PCDH7: variants seen among roughly 807,000 people sequenced by gnomAD.
PCDH7 encodes protocadherin 7, also known as protocadherin-7.
A neutral mutation model predicts 58.9 loss-of-function variants in PCDH7; 17 were observed. The observed-to-expected ratio is 0.29, with a 90% confidence interval of 0.20 to 0.43. The LOEUF (loss-of-function observed/expected upper bound fraction) is 0.43, where lower values mean the gene tolerates loss of function less well. Ranked by LOEUF, PCDH7 falls within the 20% of genes least tolerant of loss-of-function variation. The pLI is 1.00. For missense variants in PCDH7, 1,274 were observed against 1,441.0 expected (o/e 0.88, Z 1.88); for synonymous variants, 664 against 616.4 (o/e 1.08, Z -1.14).
chr4:31,130,899 G>T (rs1334832585), intron 3 of PCDH7, among the ~76,000 whole-genome samples: 1 of 152,098 alleles, frequency 6.6e-6, no homozygotes, highest in African/African-American at 2.4e-5. Flanking sequence ...GTTAAGGTTA[G>T]TTTATTAGCA....
At chr4:31,132,596 A>C (rs1272428923) in intron 3 of PCDH7, among the ~76,000 whole-genome samples, 1 of 152,286 alleles carries the variant, frequency 6.6e-6, no homozygotes, top group South Asian at 2.1e-4. Flanking sequence ...TGAGACCATT[A>C]AAATGAAGTG....
intron 3 of PCDH7, among the ~76,000 whole-genome samples, chr4:30,993,665 T>A (rs919010661): frequency 6.6e-6 from 1 of 151,900 alleles, no homozygotes; most frequent in African/African-American, 2.4e-5. Flanking sequence ...AGAAAAAAAA[T>A]GTAGAAGTTT....
chr4:30,937,703 G>A (rs1238679791), intron 2 of PCDH7, among the ~76,000 whole-genome samples: 1 of 151,826 alleles, frequency 6.6e-6, no homozygotes. Flanking sequence ...TTATGTTCAG[G>A]AGAGGATATG....
chr4:30,752,657 T>C (rs1033920689), intron 1 of PCDH7, among the ~76,000 whole-genome samples: 2 of 146,990 alleles, frequency 1.4e-5, no homozygotes, highest in Admixed American at 6.8e-5. Flanking sequence ...GCAAACTTTA[T>C]AAATTGTTTT....
chr4:30,776,997 A>G (rs975102276), intron 1 of PCDH7, among the ~76,000 whole-genome samples: 1 of 152,108 alleles, frequency 6.6e-6, no homozygotes, highest in Admixed American at 6.6e-5. Context: ...TTGTTGAGGT[A>G]CATTTGAAAA....
intron 3 of PCDH7, among the ~76,000 whole-genome samples, chr4:30,986,593 G>A (rs1453711745): frequency 1.3e-5 from 2 of 151,816 alleles, no homozygotes; most frequent in South Asian, 4.2e-4. Context: ...TCATTATGAA[G>A]AAATGGTTGA....
At chr4:31,078,639 ATTTTTTT>A (rs10709152) in intron 3 of PCDH7, among the ~76,000 whole-genome samples, 14 of 73,564 alleles carry the variant, frequency 1.9e-4, no homozygotes, top group South Asian at 6.2e-4. Flanking sequence ...ACCATGCCCC[ATTTTTTT>A]TTTTTTTTTT....
intron 3 of PCDH7, among the ~76,000 whole-genome samples, chr4:31,018,861 G>A (rs1205674650): frequency 6.6e-6 from 1 of 152,062 alleles, no homozygotes; most frequent in East Asian, 1.9e-4. Context: ...TCAGAAAATG[G>A]CCAAGAGATA....
At chr4:31,121,988 G>A (rs572585652) in intron 3 of PCDH7, among the ~76,000 whole-genome samples, 1 of 152,144 alleles carries the variant, frequency 6.6e-6, no homozygotes, top group Admixed American at 6.5e-5. Flanking sequence ...TCACAATGTA[G>A]CCAGAAGTTT....
chr4:30,764,472 A>T (rs7678373), intron 1 of PCDH7, among the ~76,000 whole-genome samples: 1 of 152,154 alleles, frequency 6.6e-6, no homozygotes, highest in African/African-American at 2.4e-5. Context: ...TTATCCCAAG[A>T]TATTTATTTA....
At chr4:30,798,435 C>T (rs1725076225) in intron 1 of PCDH7, among the ~76,000 whole-genome samples, 1 of 152,102 alleles carries the variant, frequency 6.6e-6, no homozygotes, top group African/African-American at 2.4e-5. Context: ...TAGAAACAAT[C>T]GCATTTGGTC....
chr4:30,896,135 T>C (rs1377811119), intron 1 of PCDH7, among the ~76,000 whole-genome samples: 5 of 152,216 alleles, frequency 3.3e-5, no homozygotes, highest in East Asian at 1.9e-4. Flanking sequence ...TTCCTTTCAC[T>C]TTCTAATGAA....
intron 1 of PCDH7, among the ~76,000 whole-genome samples, chr4:30,739,677 T>C (rs1180503098): frequency 6.6e-6 from 1 of 152,184 alleles, no homozygotes; most frequent in Non-Finnish European, 1.5e-5. Flanking sequence ...TGTATGTGTG[T>C]ATGTATTTAT....
At chr4:30,924,817 G>A (rs575353000) in intron 2 of PCDH7, among the ~76,000 whole-genome samples, 432 of 147,274 alleles carry the variant, frequency 2.9e-3, no homozygotes, top group African/African-American at 9.9e-3. Context: ...GAGTACAAAT[G>A]AAAAAAAAAA....
Position 30,888,173 on chromosome 4 carries a change from C to T in PCDH7, c.71-31980C>T, listed in dbSNP as rs145738382. On this transcript the variant is annotated intron_variant, in intron 1 of 3. Transcript: ENST00000509759. Reference sequence around the variant, plus strand: ...ACAGGCGTGAGCCACTGTGCCCAGCCGGCCCATTTCTTTTTAAAATGGATT... The same window carrying T: ...ACAGGCGTGAGCCACTGTGCCCAGCTGGCCCATTTCTTTTTAAAATGGATT... Among the ~76,000 whole-genome samples, 656 of 152,194 alleles carry T rather than the reference C, an allele frequency of 4.3e-3. 6 individuals are homozygous for T. Among genetic ancestry groups the T allele is most frequent in the African/African-American group, 0.015 (611 of 41,520 alleles).
chr4:30,929,520 G>T (rs1418759118), intron 2 of PCDH7, among the ~76,000 whole-genome samples: 1 of 151,906 alleles, frequency 6.6e-6, no homozygotes, highest in East Asian at 1.9e-4. Context: ...AAATTTAAAT[G>T]CCTCCTCTGG....
At chr4:31,110,224 A>G (rs1232039382) in intron 3 of PCDH7, among the ~76,000 whole-genome samples, 2 of 152,190 alleles carry the variant, frequency 1.3e-5, no homozygotes, top group African/African-American at 2.4e-5. Context: ...TTATTAGTGA[A>G]TCTATCATTC....
At chr4:31,092,674 C>A (rs1207870346) in intron 3 of PCDH7, among the ~76,000 whole-genome samples, 1 of 151,996 alleles carries the variant, frequency 6.6e-6, no homozygotes, top group African/African-American at 2.4e-5. Flanking sequence ...AATTTAAGAG[C>A]CTCTAATTAT....
chr4:30,947,304 T>A (rs183756673), intron 2 of PCDH7, among the ~76,000 whole-genome samples: 85 of 152,292 alleles, frequency 5.6e-4, no homozygotes, highest in South Asian at 5.0e-3. Flanking sequence ...AAAAACTTAT[T>A]ACAAACTCTT....
Sources: allele counts gnomAD v4.1 joint callset (sites outside exome capture counted in the v4.1 genomes callset), GRCh38; gene constraint gnomAD v4.1.1; transcripts MANE v1.5; gene names NCBI Gene and HGNC (gene_info 2026-07-23, HGNC 2026-07-21).